The following CADM2 variants were observed in gnomAD, a reference collection of about 807,000 sequenced individuals.
CADM2 encodes cell adhesion molecule 2.
Under a neutral mutation model 49.8 loss-of-function variants are expected in CADM2, and 12 were observed. The observed-to-expected ratio is 0.24, with a 90% CI of 0.15 to 0.39. CADM2 has a LOEUF of 0.39. Ranked by LOEUF, CADM2 falls within the 10% of genes least tolerant of loss-of-function variation. The probability of loss-of-function intolerance (pLI) is 1.00; values close to 1 mark genes in which losing one functional copy is unlikely to be tolerated. For missense variants in CADM2, 378 were observed against 492.3 expected, an observed-to-expected ratio of 0.77 and a Z score of 2.20; for synonymous variants, 214 against 175.4, an observed-to-expected ratio of 1.22 and a Z score of -1.74.
intron 1 of CADM2, among the ~76,000 whole-genome samples, chr3:85,176,023 G>A (rs1252315971): frequency 4.0e-5 from 6 of 148,242 alleles, no homozygotes; most frequent in Non-Finnish European, 7.4e-5. Context: ...CCGCCTCCCG[G>A]GTTCACGCCA....
chr3:85,762,643 C>T (rs2069452022), intron 2 of CADM2, among the ~76,000 whole-genome samples: 1 of 113,458 alleles, frequency 8.8e-6, no homozygotes, highest in African/African-American at 3.6e-5. Context: ...TTTTATTTAT[C>T]CTATTAAAGT....
chr3:85,091,083 G>A (rs1358030075), intron 1 of CADM2, among the ~76,000 whole-genome samples: 2 of 152,104 alleles, frequency 1.3e-5, no homozygotes, highest in East Asian at 3.9e-4. Context: ...TAATAAAACT[G>A]TTAAATCTAT....
chr3:85,037,767 A>T (rs965424517), intron 1 of CADM2, among the ~76,000 whole-genome samples: 8 of 152,198 alleles, frequency 5.3e-5, no homozygotes, highest in Non-Finnish European at 1.0e-4. Context: ...ACACAAATCT[A>T]CATGCAGTCT....
At chr3:85,876,553 G>A (rs1366569836) in intron 3 of CADM2, among the ~76,000 whole-genome samples, 3 of 152,038 alleles carry the variant, frequency 2.0e-5, no homozygotes, top group African/African-American at 4.8e-5. Context: ...GCATTTTAAT[G>A]TTCTCTTAAA....
At chr3:84,960,741 C>G (rs1417958767) in intron 1 of CADM2, among the ~76,000 whole-genome samples, 1 of 152,058 alleles carries the variant, frequency 6.6e-6, no homozygotes, top group African/African-American at 2.4e-5. Context: ...TCCAGACCCT[C>G]TTTTTTGGAG....
intron 1 of CADM2, among the ~76,000 whole-genome samples, chr3:85,190,700 C>T (rs1385903090): frequency 6.6e-6 from 1 of 152,118 alleles, no homozygotes; most frequent in Non-Finnish European, 1.5e-5. Context: ...TAATGTACAT[C>T]AATCCGAATC....
At chr3:86,060,157 CAAT>C (rs955058320) in intron 8 of CADM2, among the ~76,000 whole-genome samples, 1 of 150,674 alleles carries the variant, frequency 6.6e-6, no homozygotes, top group African/African-American at 2.4e-5. Flanking sequence ...AAACTGAAAA[CAAT>C]AATGAACATG....
intron 1 of CADM2, among the ~76,000 whole-genome samples, chr3:85,088,548 G>A (rs759023565): frequency 6.6e-6 from 1 of 152,032 alleles, no homozygotes; most frequent in African/African-American, 2.4e-5. Flanking sequence ...AAGAGAGTAA[G>A]AGCAGAATAA....
chr3:85,163,506 T>A (rs1038263756), intron 1 of CADM2, among the ~76,000 whole-genome samples: 2 of 152,068 alleles, frequency 1.3e-5, no homozygotes, highest in African/African-American at 4.8e-5. Flanking sequence ...CGATACTATA[T>A]AATTTGTCAT....
chr3:85,446,923 T>C (rs1262499773), intron 1 of CADM2, among the ~76,000 whole-genome samples: 1 of 146,940 alleles, frequency 6.8e-6, no homozygotes, highest in African/African-American at 2.5e-5. Flanking sequence ...TTAGTGCCTC[T>C]TCAGTCATAT....
At chr3:85,164,966 A>ATGTG (rs142280188) in intron 1 of CADM2, among the ~76,000 whole-genome samples, 2 of 150,050 alleles carry the variant, frequency 1.3e-5, no homozygotes, top group East Asian at 1.9e-4. Context: ...GTGTGTACAT[A>ATGTG]TGTGTGTGTG....
chr3:85,809,790 C>G lies in CADM2; in HGVS notation c.238+7594C>G, dbSNP rs76391820. Among the ~76,000 whole-genome samples, 226 of 98,942 alleles carry G rather than the reference C, an allele frequency of 2.3e-3. 16 individuals are homozygous for G. Among genetic ancestry groups the G allele is most frequent in the African/African-American group, 0.01 (218 of 21,714 alleles). The allele number at this position is 98,942 out of a possible 152,430, so 64.9% of individuals were successfully genotyped here. On this transcript the variant is annotated intron_variant, in intron 3 of 9. Coordinates refer to ENST00000383699, the MANE Select transcript of CADM2 (RefSeq NM_001167675.2). ...TCTCTCTCTCTCTCTCTCTCTCTCT[C>G]TCTTTCTTTCTTTCTTTCTTTCTGT... is the stretch of plus-strand genomic sequence containing the variant.
intron 1 of CADM2, among the ~76,000 whole-genome samples, chr3:85,045,800 C>T (rs971305195): frequency 1.3e-5 from 2 of 152,060 alleles, no homozygotes; most frequent in Admixed American, 6.6e-5. Flanking sequence ...TGGAACATGA[C>T]TTGAATATTT....
At chr3:85,005,513 C>T (rs1279295249) in intron 1 of CADM2, among the ~76,000 whole-genome samples, 1 of 151,958 alleles carries the variant, frequency 6.6e-6, no homozygotes, top group Non-Finnish European at 1.5e-5. Context: ...TACTATGGGT[C>T]ACAGACAGAG....
At chr3:85,164,194 T>C (rs1261110909) in intron 1 of CADM2, among the ~76,000 whole-genome samples, 1 of 152,058 alleles carries the variant, frequency 6.6e-6, no homozygotes, top group Non-Finnish European at 1.5e-5. Flanking sequence ...TCATGTGTAA[T>C]ATTGAGATGA....
At chr3:84,975,213 G>A (rs2031739591) in intron 1 of CADM2, among the ~76,000 whole-genome samples, 1 of 151,554 alleles carries the variant, frequency 6.6e-6, no homozygotes, top group African/African-American at 2.4e-5. Flanking sequence ...AAATAAAACA[G>A]TTATTTAAAA....
intron 1 of CADM2, among the ~76,000 whole-genome samples, chr3:85,189,698 G>A (rs1559711238): frequency 1.3e-5 from 2 of 152,108 alleles, no homozygotes; most frequent in Non-Finnish European, 2.9e-5. Context: ...ATAATTCTGT[G>A]AGTCATGAAT....
At position 84,959,295 on chromosome 3, in the gene CADM2, GGACTTGCTGT is replaced by G; in HGVS notation, c.-311_-302del. The G allele has an allele frequency of 2.0e-6, 1 of 498,146 alleles. No individual in the cohort carries two copies. Among genetic ancestry groups the G allele is most frequent in the Non-Finnish European group, 3.6e-6 (1 of 276,704 alleles). 30.9% of individuals were successfully genotyped at this position (498,146 alleles called of 1,614,324 possible). A position where few individuals can be genotyped will look rare whatever the true frequency, so the allele number is the denominator to read the frequency against. On this transcript the variant is annotated 5_prime_UTR_variant, in exon 1 of 10. Coordinates refer to ENST00000383699, the MANE Select transcript of CADM2 (RefSeq NM_001167675.2). The stretch of plus-strand genomic sequence containing the variant: ...GCTCGGGCAGCCCCGGCGGGCTCTG[GGACTTGCTGT>G]GCGCGCCGAGAGGAAGGCAAGCTCC...
At chr3:85,260,242 T>C (rs935298584) in intron 1 of CADM2, among the ~76,000 whole-genome samples, 2 of 152,176 alleles carry the variant, frequency 1.3e-5, no homozygotes, top group African/African-American at 4.8e-5. Context: ...TATATAATAA[T>C]AAAGCAAAAG....
Sources: allele counts gnomAD v4.1 joint callset (sites outside exome capture counted in the v4.1 genomes callset), GRCh38; gene constraint gnomAD v4.1.1; transcripts MANE v1.5; gene names NCBI Gene and HGNC (gene_info 2026-07-23, HGNC 2026-07-21).